The following CSMD1 variants were observed in gnomAD, a reference collection of about 807,000 sequenced individuals.
The protein encoded by CSMD1 is CUB and sushi domain-containing protein 1.
CSMD1 carries 213 observed loss-of-function variants against 417.5 expected under a neutral mutation model. The observed-to-expected ratio is 0.51, with a 90% CI of 0.46 to 0.57. The LOEUF is 0.57. Among genes scored for constraint, CSMD1 ranks in the 20% least tolerant of loss-of-function variants. CSMD1 has a pLI of 0.00. For synonymous variants in CSMD1, 2,862 were observed against 1,736.8 expected, an observed-to-expected ratio of 1.65 and a Z score of -16.11; for missense variants, 6,923 against 4,529.7, an observed-to-expected ratio of 1.53 and a Z score of -15.17.
chr8:2,961,458 C>T (rs1023011551), intron 61 of CSMD1, among the ~76,000 whole-genome samples: 1 of 151,590 alleles, frequency 6.6e-6, no homozygotes, highest in African/African-American at 2.4e-5. Context: ...AGAATAAGTG[C>T]ATTTTTTTTC....
At chr8:4,815,638 G>A (rs750255298) in intron 1 of CSMD1, among the ~76,000 whole-genome samples, 39 of 140,760 alleles carry the variant, frequency 2.8e-4, no homozygotes, top group Middle Eastern at 4.2e-3. Context: ...GAAGGTTGCA[G>A]TGAACTGAGG....
intron 5 of CSMD1, among the ~76,000 whole-genome samples, chr8:3,926,498 C>A (rs3102421): frequency 1.3e-5 from 2 of 151,680 alleles, no homozygotes; most frequent in African/African-American, 4.8e-5. Flanking sequence ...TATTTTAATA[C>A]TAAATTCTTT....
intron 27 of CSMD1, among the ~76,000 whole-genome samples, chr8:3,228,122 T>C (rs1022733201): frequency 6.6e-6 from 1 of 152,218 alleles, no homozygotes; most frequent in Non-Finnish European, 1.5e-5. Context: ...TTTATAAATG[T>C]CTATATTAAT....
Position 4,593,191 on chromosome 8 carries a change from G to A in CSMD1, c.302+44151C>T, listed in dbSNP as rs1341826955. 2.6e-5 allele frequency among the ~76,000 whole-genome samples: 4 copies of A among 152,138 alleles called. No individual in the cohort carries two copies. In the South Asian group the frequency reaches 6.2e-4, roughly 24 times the overall value. ...GGCAGTCACTGAAGTGCATACAAAT[G>A]GGCCCTACAGAATCTGCCTTTTGCT... On this transcript the variant is annotated intron_variant, in intron 2 of 69. Transcript: ENST00000635120.
chr8:4,090,467 A>G (rs919736932), intron 3 of CSMD1, among the ~76,000 whole-genome samples: 4 of 152,192 alleles, frequency 2.6e-5, no homozygotes, highest in African/African-American at 9.7e-5. Flanking sequence ...GAAGGTTTTA[A>G]AATAAAAAAC....
At chr8:3,528,207 A>G (rs1221223524) in intron 10 of CSMD1, among the ~76,000 whole-genome samples, 1 of 152,226 alleles carries the variant, frequency 6.6e-6, no homozygotes, top group Non-Finnish European at 1.5e-5. Context: ...TGTTGCACAA[A>G]TATTAAGTAC....
chr8:4,656,253 G>C (rs906038760), intron 1 of CSMD1, among the ~76,000 whole-genome samples: 1 of 152,046 alleles, frequency 6.6e-6, no homozygotes, highest in African/African-American at 2.4e-5. Context: ...CAGACTTTCA[G>C]GGGGCAGTAG....
At chr8:3,715,620 G>A (rs890167007) in intron 6 of CSMD1, among the ~76,000 whole-genome samples, 1 of 152,286 alleles carries the variant, frequency 6.6e-6, no homozygotes. Context: ...TGGACTCACT[G>A]CAACCTCCAC....
chr8:4,627,320 C>T (rs1175405375), intron 2 of CSMD1, among the ~76,000 whole-genome samples: 1 of 152,114 alleles, frequency 6.6e-6, no homozygotes, highest in Non-Finnish European at 1.5e-5. Context: ...TGATCATCCA[C>T]ATAAAGCTCA....
intron 27 of CSMD1, among the ~76,000 whole-genome samples, chr8:3,229,149 A>C (rs1018360000): frequency 2.6e-5 from 4 of 152,180 alleles, no homozygotes; most frequent in East Asian, 1.9e-4. Context: ...AATAAAAACC[A>C]GTTCAAACCA....
intron 2 of CSMD1, among the ~76,000 whole-genome samples, chr8:4,438,633 T>C (rs781054070): frequency 6.6e-6 from 1 of 152,138 alleles, no homozygotes; most frequent in African/African-American, 2.4e-5. Context: ...ACCTACATTA[T>C]CCCATGGAGT....
intron 3 of CSMD1, among the ~76,000 whole-genome samples, chr8:4,104,423 CAT>C (rs1417914845): frequency 6.7e-6 from 1 of 148,154 alleles, no homozygotes; most frequent in African/African-American, 2.5e-5. Context: ...CGCACACACA[CAT>C]GCGCACACGC....
chr8:4,795,252 C>CTTTTTTGTTTTTTTTTTTT (rs1797913071), intron 1 of CSMD1, among the ~76,000 whole-genome samples: 1 of 46,226 alleles, frequency 2.2e-5, no homozygotes, highest in Non-Finnish European at 4.2e-5. Context: ...GGTGTCATAG[C>CTTTTTTGTTTTTTTTTTTT]TTTTTTTTTT....
rs57967067 is a variant in CSMD1 at position 4,182,874 on chromosome 8, G to A, written c.416-150775C>T. Among the ~76,000 whole-genome samples the A allele has an allele frequency of 6.7e-3, 1,025 of 152,246 alleles. 13 individuals carry two copies. Among genetic ancestry groups the A allele is most frequent in the Middle Eastern group, 0.02 (6 of 294 alleles). ...AGAAATTAATAGCATCAAACTCAGA[G>A]TCTAGAACTGTATGTTTGAATGGGA... On this transcript the variant is annotated intron_variant, in intron 3 of 69. Transcript: ENST00000635120.
intron 10 of CSMD1, among the ~76,000 whole-genome samples, chr8:3,554,219 T>C (rs1001540655): frequency 4.6e-5 from 7 of 152,240 alleles, no homozygotes; most frequent in African/African-American, 2.4e-5. Context: ...AGATTGTGTT[T>C]TTCTTTATAA....
intron 7 of CSMD1, among the ~76,000 whole-genome samples, chr8:3,629,764 T>G (rs181484957): frequency 9.8e-5 from 15 of 152,308 alleles, no homozygotes; most frequent in African/African-American, 3.6e-4. Flanking sequence ...CACCTTTCAT[T>G]TCAAAAAGAC....
intron 26 of CSMD1, among the ~76,000 whole-genome samples, chr8:3,254,901 C>G (rs1434972373): frequency 2.0e-5 from 3 of 152,092 alleles, no homozygotes; most frequent in African/African-American, 7.2e-5. Flanking sequence ...CAGCTTTGTT[C>G]CATTGTTGGT....
At chr8:3,185,870 G>C (rs1349158029) in intron 36 of CSMD1, among the ~76,000 whole-genome samples, 1 of 152,162 alleles carries the variant, frequency 6.6e-6, no homozygotes, top group African/African-American at 2.4e-5. Context: ...ACTTAAAAAT[G>C]AGCAACACAA....
intron 3 of CSMD1, among the ~76,000 whole-genome samples, chr8:4,178,752 T>C (rs1798193905): frequency 1.3e-5 from 2 of 152,106 alleles, no homozygotes; most frequent in South Asian, 2.1e-4. Context: ...ACAAAATCAA[T>C]GTACAAAAAT....
Sources: gnomAD v4.1 joint callset for allele counts (sites outside exome capture counted in the v4.1 genomes callset) on GRCh38, gnomAD v4.1.1 for gene constraint, MANE v1.5 for transcripts, NCBI Gene and HGNC (gene_info 2026-07-23, HGNC 2026-07-21) for gene names.